The following SLC25A31 variants were observed in gnomAD, a reference collection of about 807,000 sequenced individuals.
The protein encoded by SLC25A31 is solute carrier family 25 member 31.
SLC25A31 carries 40 observed loss-of-function variants against 36.2 expected under a neutral mutation model. The ratio of observed to expected loss-of-function variants is 1.10; its 90% CI spans 0.86 to 1.44. The LOEUF (loss-of-function observed/expected upper bound fraction) is 1.44. Among genes scored for constraint, SLC25A31 ranks in the 40% most tolerant of loss-of-function variants. The probability of loss-of-function intolerance (pLI) is 0.00; values close to 1 mark genes in which losing one functional copy is unlikely to be tolerated. For synonymous variants in SLC25A31, 143 were observed against 149.7 expected (o/e 0.96, Z 0.32); for missense variants, 350 against 397.1 (o/e 0.88, Z 1.01).
intron 1 of SLC25A31, among the ~76,000 whole-genome samples, chr4:127,731,223 A>G (rs942262214): frequency 6.6e-6 from 1 of 152,174 alleles, no homozygotes; most frequent in African/African-American, 2.4e-5. Context: ...CTATATGTAT[A>G]TTTGTTGAAA....
At chr4:127,735,756 CT>C (rs140591258) in intron 1 of SLC25A31, among the ~76,000 whole-genome samples, 7 of 121,950 alleles carry the variant, frequency 5.7e-5, no homozygotes, top group Non-Finnish European at 6.5e-5. Flanking sequence ...GTCATGCAGA[CT>C]TTTTTTTTAA....
At chr4:127,735,211 G>C (rs952931733) in intron 1 of SLC25A31, among the ~76,000 whole-genome samples, 1 of 152,174 alleles carries the variant, frequency 6.6e-6, no homozygotes, top group African/African-American at 2.4e-5. Context: ...AATTGGACCT[G>C]AGACAAGAAG....
chr4:127,730,889 C>A, intron 1 of SLC25A31, 112 bp downstream of exon 1: 1 of 1,015,604 alleles, frequency 9.8e-7, no homozygotes, highest in Non-Finnish European at 1.4e-6. Flanking sequence ...ACAGCTACAG[C>A]TGTCGGTGAT....
chr4:127,737,898 C>T (rs1243195102), intron 1 of SLC25A31, among the ~76,000 whole-genome samples: 2 of 152,024 alleles, frequency 1.3e-5, no homozygotes, highest in African/African-American at 4.8e-5. Flanking sequence ...ATATACTCAG[C>T]AATATAATCA....
intron 5 of SLC25A31, among the ~76,000 whole-genome samples, chr4:127,771,561 T>A (rs1732361711): frequency 2.6e-5 from 4 of 152,204 alleles, no homozygotes; most frequent in Non-Finnish European, 5.9e-5. Context: ...ATATCAGTGT[T>A]TTCTTCCTTC....
chr4:127,745,699 G>T (rs1731812189), intron 2 of SLC25A31, among the ~76,000 whole-genome samples: 1 of 152,098 alleles, frequency 6.6e-6, no homozygotes. Flanking sequence ...CTTTGGCCAG[G>T]GTGGTGGGGC....
chr4:127,752,903 A>T (rs1290933378), intron 2 of SLC25A31, among the ~76,000 whole-genome samples: 2 of 152,228 alleles, frequency 1.3e-5, no homozygotes, highest in African/African-American at 4.8e-5. Flanking sequence ...GATCTAACAG[A>T]TATATTTAGA....
At chr4:127,765,409 A>T (rs901671116) in intron 3 of SLC25A31, among the ~76,000 whole-genome samples, 1 of 152,078 alleles carries the variant, frequency 6.6e-6, no homozygotes, top group Admixed American at 6.6e-5. Context: ...AATTTTGTAG[A>T]TTTCATTCTG....
intron 1 of SLC25A31, among the ~76,000 whole-genome samples, chr4:127,743,659 G>A (rs886846950): frequency 1.2e-4 from 18 of 152,078 alleles, no homozygotes; most frequent in African/African-American, 3.9e-4. Context: ...TTATTTCTTT[G>A]CCATTAAATA....
chr4:127,767,162 C>T lies in SLC25A31; in HGVS notation c.575C>T (p.Ser192Leu). 1 of 1,613,672 alleles carries T rather than the reference C, an allele frequency of 6.2e-7. No homozygotes were observed. The highest frequency in any genetic ancestry group is 1.3e-5 in the African/African-American group (1 of 75,018). ...GGTTTATACCAAGGGTTTGGTGTTTCAGTACAGGGCATCATTGTGTACCGA... is the reference window on the plus strand; with the variant it reads ...GGTTTATACCAAGGGTTTGGTGTTTTAGTACAGGGCATCATTGTGTACCGA... ...IAGLYQGFGVSVQGIIVYRAS... is the reference protein window; with the variant it reads ...IAGLYQGFGVLVQGIIVYRAS... The change falls in exon 4 of 6, where the codon TCA (serine) becomes TTA (leucine). Residue 192 changes from serine to leucine, a missense_variant. Ser to Leu is a moderately radical substitution (Grantham distance 145). Coordinates refer to ENST00000281154, the MANE Select transcript of SLC25A31 (RefSeq NM_031291.4).
intron 2 of SLC25A31, among the ~76,000 whole-genome samples, chr4:127,750,209 TA>T (rs1177433772): frequency 1.4e-5 from 1 of 71,900 alleles, no homozygotes; most frequent in African/African-American, 7.2e-5. Context: ...GAAAAGACAA[TA>T]AATAACATGA....
intron 5 of SLC25A31, among the ~76,000 whole-genome samples, chr4:127,771,646 A>G (rs1732363539): frequency 6.6e-6 from 1 of 152,130 alleles, no homozygotes; most frequent in Non-Finnish European, 1.5e-5. Context: ...TCAGTGTTAT[A>G]TTTACAAAGT....
chr4:127,747,258 T>A (rs1731843116), intron 2 of SLC25A31, among the ~76,000 whole-genome samples: 1 of 152,142 alleles, frequency 6.6e-6, no homozygotes, highest in African/African-American at 2.4e-5. Context: ...TCTTTTTTGG[T>A]TACATATGAA....
chr4:127,767,522 A>T (rs1395583154), intron 4 of SLC25A31, among the ~76,000 whole-genome samples: 1 of 152,210 alleles, frequency 6.6e-6, no homozygotes, highest in African/African-American at 2.4e-5. Flanking sequence ...TCATTGGTAT[A>T]TGGAAAGGCA....
At chr4:127,745,171 T>G (rs1731801769) in intron 2 of SLC25A31, among the ~76,000 whole-genome samples, 1 of 152,156 alleles carries the variant, frequency 6.6e-6, no homozygotes, top group African/African-American at 2.4e-5. Context: ...GTAATTTATA[T>G]CCTGAAGAAG....
At chr4:127,766,013 C>T (rs1732233540) in intron 3 of SLC25A31, among the ~76,000 whole-genome samples, 1 of 151,770 alleles carries the variant, frequency 6.6e-6, no homozygotes, top group African/African-American at 2.4e-5. Context: ...AATTCTTGGT[C>T]AAGGGAAAAG....
intron 1 of SLC25A31, among the ~76,000 whole-genome samples, chr4:127,735,492 A>C (rs1383130209): frequency 6.6e-6 from 1 of 152,014 alleles, no homozygotes; most frequent in Non-Finnish European, 1.5e-5. Flanking sequence ...GCTAACAGAC[A>C]TAGTTATTTG....
chr4:127,753,337 A>G (rs1284108242), intron 2 of SLC25A31, among the ~76,000 whole-genome samples: 1 of 152,120 alleles, frequency 6.6e-6, no homozygotes, highest in African/African-American at 2.4e-5. Context: ...AAATCACAAT[A>G]GAAATAAATG....
chr4:127,768,696 G>T, intron 4 of SLC25A31, 56 bp from the exon 5 acceptor site: 2 of 1,421,392 alleles, frequency 1.4e-6, no homozygotes, highest in Admixed American at 2.5e-5. Context: ...TTTAACTTAA[G>T]AATTTAAGAT....
Sources: gnomAD v4.1 joint callset for allele counts (sites outside exome capture counted in the v4.1 genomes callset) on GRCh38, gnomAD v4.1.1 for gene constraint, MANE v1.5 for transcripts, NCBI Gene and HGNC (gene_info 2026-07-23, HGNC 2026-07-21) for gene names.